STAT6: variants seen among roughly 807,000 people sequenced by gnomAD.
STAT6 encodes the protein signal transducer and activator of transcription 6.
In STAT6, 45 loss-of-function variants were observed where a neutral mutation model predicts 106.3. The observed-to-expected ratio is 0.42, with a 90% CI of 0.33 to 0.54. STAT6 has a LOEUF of 0.54. Among genes scored for constraint, STAT6 ranks in the 20% least tolerant of loss-of-function variants. The probability of loss-of-function intolerance (pLI) is 0.06; values close to 1 mark genes in which losing one functional copy is unlikely to be tolerated. For missense variants in STAT6, 797 were observed against 1,062.2 expected (o/e 0.75, Z 3.47); for synonymous variants, 413 against 413.6 (o/e 1.00, Z 0.02).
intron 1 of STAT6, among the ~76,000 whole-genome samples, chr12:57,108,643 G>T (rs2034415951): frequency 2.0e-5 from 3 of 152,246 alleles, no homozygotes; most frequent in Non-Finnish European, 1.5e-5. Context: ...CCCTTTGTGG[G>T]CTTCGATCTT....
intron 5 of STAT6, 46 bp downstream of exon 5, chr12:57,106,646 AG>A (rs1206156786): frequency 6.2e-7 from 1 of 1,613,382 alleles, no homozygotes; most frequent in South Asian, 1.1e-5. Context: ...TTGAGATCCA[AG>A]AGGCAACCAC....
At chr12:57,097,819 G>A (rs995832015) in intron 19 of STAT6, among the ~76,000 whole-genome samples, 6 of 151,710 alleles carry the variant, frequency 4.0e-5, no homozygotes, top group South Asian at 4.2e-4. Flanking sequence ...AGGATTGCTC[G>A]AGCCCAAGAG....
rs144043278 is a variant in STAT6 at position 57,104,657 on chromosome 12, C to T, written c.1089+69G>A. The T allele has an allele frequency of 6.1e-5, 99 of 1,612,720 alleles. No individual in the cohort carries two copies. In the African/African-American group the frequency reaches 1.1e-3, roughly 18 times the overall value. ...AGACCGCTCCTCCTGGGCTTCCTGA[C>T]ATCCTCTCCAAGGAGAGTCCCACAG... On this transcript the variant is annotated intron_variant, in intron 10 of 21. Coordinates refer to ENST00000300134, the MANE Select transcript of STAT6 (RefSeq NM_003153.5).
intron 12 of STAT6, 91 bp downstream of exon 12, chr12:57,102,738 C>T: frequency 8.7e-7 from 1 of 1,151,244 alleles, no homozygotes; most frequent in Non-Finnish European, 1.3e-6. Flanking sequence ...CCCATTTAAA[C>T]ATGCCCACCA....
rs746789941 is a variant in STAT6, at chr12:57,106,767, C to T, written c.404G>A (p.Arg135Gln). 2.0e-5 allele frequency: 33 copies of T among 1,614,078 alleles called. No homozygotes were observed. The highest frequency in any genetic ancestry group is 1.6e-4 in the South Asian group (15 of 91,082). The change falls in exon 5 of 22, where the codon CGG becomes CAG. Residue 135 changes from arginine (R) to glutamine (Q), a missense_variant. Around this residue, in one of 4 missense-constraint regions of STAT6, gnomAD observed 336 missense variants for 429.8 expected, o/e 0.78. Coordinates refer to ENST00000300134, the MANE Select transcript of STAT6 (RefSeq NM_003153.5). The part of the protein sequence containing the change: ...QEELKFKTGL[R>Q]RLQHRVGEIH... Reference sequence around the variant, plus strand: ...CTCCCCTACTCGGTGCTGCAGCCTCCGCAAGCCTGTCTTAAACTTGAGTTC... The same window carrying T: ...CTCCCCTACTCGGTGCTGCAGCCTCTGCAAGCCTGTCTTAAACTTGAGTTC...
intron 12 of STAT6, 90 bp from the exon 13 acceptor site, chr12:57,102,586 T>C (rs1282193134): frequency 4.4e-6 from 6 of 1,365,400 alleles, no homozygotes; most frequent in Admixed American, 4.1e-5. Flanking sequence ...GCCTGTGGCC[T>C]ACCCCTCCAC....
Position 57,102,889 on chromosome 12 carries a change from A to G in STAT6, c.1245T>C (p.His415=), listed in dbSNP as rs768108687. 7 of 1,595,330 alleles carry G rather than the reference A, an allele frequency of 4.4e-6. No individual in the cohort carries two copies. Among genetic ancestry groups the G allele is most frequent in the Non-Finnish European group, 6.0e-6 (7 of 1,171,374 alleles). The change falls in exon 12 of 22, where the codon CAT becomes CAC. Residue 415 remains histidine (H), a synonymous_variant. Transcript: ENST00000300134. ...CTTTGGCATTGTTGTCTTGGTTGCC[A>G]TGGACGATGACCACCAGGGGCAGAG... ...ALSLPLVVIV[H]GNQDNNAKAT... is the part of the protein sequence containing the mutation.
intron 11 of STAT6, 39 bp downstream of exon 11, chr12:57,104,425 C>T (rs769290497): frequency 7.6e-6 from 12 of 1,585,874 alleles, no homozygotes; most frequent in East Asian, 4.6e-5. Context: ...GAGGAGGACT[C>T]GGGGTCCCAG....
chr12:57,103,234 G>T, intron 11 of STAT6: 1 of 197,822 alleles, frequency 5.1e-6, no homozygotes, highest in Non-Finnish European at 1.0e-5. Flanking sequence ...GCGCGATCTT[G>T]GCTCACTGCA....
rs1312114990 is a variant in STAT6, at chr12:57,097,100, C to G, written c.2193G>C (p.Gln731His). Residue 731 changes from glutamine (Q) to histidine (H), a missense_variant, in exon 20 of 22, where the codon CAG becomes CAC. Around this residue, in one of 4 missense-constraint regions of STAT6, gnomAD observed 226 missense variants for 236.7 expected, o/e 0.95. Coordinates refer to ENST00000300134, the MANE Select transcript of STAT6 (RefSeq NM_003153.5). ...GAGGCTGGTCAAAGGGCAGGCTCAT[C>G]TGGCCCAGGCTGGGGGGCATCTGCA... ...PHLQMPPSLG[Q>H]MSLPFDQPHP... The G allele has an allele frequency of 2.0e-6, 3 of 1,523,720 alleles. No individual in the cohort carries two copies. Among genetic ancestry groups the G allele is most frequent in the African/African-American group, 2.8e-5 (2 of 71,958 alleles). The allele number at this position is 1,523,720 out of a possible 1,614,324, so 94.4% of individuals were successfully genotyped here. A position where few individuals can be genotyped will look rare whatever the true frequency, so the allele number is the denominator to read the frequency against.
intron 19 of STAT6, chr12:57,097,352 C>T: frequency 2.6e-6 from 1 of 390,358 alleles, no homozygotes; most frequent in Non-Finnish European, 4.5e-6. Flanking sequence ...TCTTTGGACT[C>T]TGAACTTTGG....
At chr12:57,100,922 G>A (rs771989234) in intron 13 of STAT6, 9 of 453,410 alleles carry the variant, frequency 2.0e-5, no homozygotes, top group South Asian at 1.4e-4. Flanking sequence ...GATAATAATA[G>A]TATCTACCTC....
At chr12:57,109,485 A>G (rs1802838456) in intron 1 of STAT6, among the ~76,000 whole-genome samples, 1 of 152,198 alleles carries the variant, frequency 6.6e-6, no homozygotes, top group Non-Finnish European at 1.5e-5. Flanking sequence ...AGTGGGGATT[A>G]ACCATCGCAC....
At chr12:57,100,714 GAAAGAAAGAAAGAA>G (rs2033851977) in intron 13 of STAT6, 3 of 60,612 alleles carry the variant, frequency 4.9e-5, no homozygotes, top group African/African-American at 2.4e-4. Context: ...AAGAAAGAAA[GAAAGAAAGAAAGAA>G]AGAAAGAAAG....
At chr12:57,104,167 T>C in intron 11 of STAT6, 1 of 389,732 alleles carries the variant, frequency 2.6e-6, no homozygotes, top group South Asian at 3.0e-5. Flanking sequence ...TACCTCATAA[T>C]GTTATTGTGA....
chr12:57,099,185 G>A lies in STAT6; in HGVS notation c.1892-107C>T. 2 of 1,594,320 alleles carry A rather than the reference G, an allele frequency of 1.3e-6. No individual in the cohort carries two copies. The highest frequency in any genetic ancestry group is 1.7e-5 in the Admixed American group (1 of 59,968). On this transcript the variant is annotated intron_variant, in intron 16 of 21. Coordinates refer to ENST00000300134, the MANE Select transcript of STAT6 (RefSeq NM_003153.5). The surrounding 1 kb of genome is among the most constrained non-coding windows in gnomAD (Gnocchi z 4.7). Reference sequence around the variant, plus strand: ...GGGGAAGTAAGAGAAGCACAGCTATGAAATAGGGAGTGACATCAGGATGAC... The same window carrying A: ...GGGGAAGTAAGAGAAGCACAGCTATAAAATAGGGAGTGACATCAGGATGAC...
At chr12:57,102,695 A>C in intron 12 of STAT6, 134 bp downstream of exon 12, 1 of 918,418 alleles carries the variant, frequency 1.1e-6, no homozygotes. Flanking sequence ...CAGAAGCACG[A>C]AAGCAGGCCC....
Position 57,099,691 on chromosome 12 carries a change from T to A in STAT6, c.1744+76A>T. 6.3e-7 allele frequency: 1 copy of A among 1,592,722 alleles called. No homozygotes were observed. Among genetic ancestry groups the A allele is most frequent in the Non-Finnish European group, 8.6e-7 (1 of 1,166,832 alleles). ...AAGATCAGGATCGGCATCAGGAAGG[T>A]CAGGACATTTCATTCCCAGAAGAAA... On this transcript the variant is annotated intron_variant, in intron 15 of 21. Coordinates refer to ENST00000300134, the MANE Select transcript of STAT6 (RefSeq NM_003153.5). This position sits in a 1 kb window ranked among gnomAD's most constrained non-coding sequence, Gnocchi z 4.7.
intron 4 of STAT6, 129 bp downstream of exon 4, chr12:57,107,102 C>A: frequency 9.2e-7 from 1 of 1,090,924 alleles, no homozygotes; most frequent in Non-Finnish European, 1.4e-6. Context: ...ACCCTAGGAA[C>A]CTCCTTTGGT....
Sources: allele counts gnomAD v4.1 joint callset (sites outside exome capture counted in the v4.1 genomes callset), GRCh38; gene constraint gnomAD v4.1.1; regional missense constraint gnomAD v4.1.1; non-coding constraint Gnocchi (gnomAD v3.1); transcripts MANE v1.5; gene names NCBI Gene and HGNC (gene_info 2026-07-23, HGNC 2026-07-21).